FSIP1: variants seen among roughly 807,000 people sequenced by gnomAD.
FSIP1 encodes fibrous sheath-interacting protein 1.
Under a neutral mutation model 60.9 loss-of-function variants are expected in FSIP1, and 65 were observed. The ratio of observed to expected loss-of-function variants is 1.07; its 90% CI spans 0.87 to 1.31. The LOEUF (loss-of-function observed/expected upper bound fraction) is 1.31, where lower values mean the gene tolerates loss of function less well. Ranked by LOEUF, FSIP1 falls within the 40% of genes most tolerant of loss-of-function variation. FSIP1 has a pLI of 0.00. For missense variants in FSIP1, 675 were observed against 665.5 expected (o/e 1.01, Z -0.16); for synonymous variants, 209 against 221.2 (o/e 0.94, Z 0.49).
intron 10 of FSIP1, among the ~76,000 whole-genome samples, chr15:39,646,495 G>A (rs376077704): frequency 1.8e-5 from 2 of 112,824 alleles, no homozygotes; most frequent in East Asian, 2.9e-4. Flanking sequence ...ACAGGCCTGC[G>A]TAACATAGCG....
In FSIP1 at chr15:39,719,110, G is replaced by A. The variant is rs145300663; in HGVS notation, c.1051-5529C>T. 9.6e-4 allele frequency among the ~76,000 whole-genome samples: 146 copies of A among 152,292 alleles called. 1 individual carries two copies. Among genetic ancestry groups the A allele is most frequent in the African/African-American group, 3.5e-3 (144 of 41,550 alleles). ...AAAAATACTGTATGATGAAAGCAGA[G>A]GCCAAGAGGGGGCAAGAAAAGGTTG... is the stretch of plus-strand genomic sequence containing the variant. On this transcript the variant is annotated intron_variant, in intron 9 of 11. Transcript: ENST00000350221.
At chr15:39,775,493 G>GA (rs35283109) in intron 2 of FSIP1, among the ~76,000 whole-genome samples, 3 of 150,900 alleles carry the variant, frequency 2.0e-5, no homozygotes, top group Non-Finnish European at 4.4e-5. Flanking sequence ...ATATTTTAAG[G>GA]AAAAAAAAGG....
At chr15:39,749,034 C>G (rs1897082414) in intron 5 of FSIP1, among the ~76,000 whole-genome samples, 1 of 151,528 alleles carries the variant, frequency 6.6e-6, no homozygotes, top group Non-Finnish European at 1.5e-5. Context: ...AATTATGTGT[C>G]AAAAAATTTG....
chr15:39,671,831 T>C (rs1893732525), intron 10 of FSIP1, among the ~76,000 whole-genome samples: 1 of 152,222 alleles, frequency 6.6e-6, no homozygotes, highest in African/African-American at 2.4e-5. Context: ...CTCTCAAAGT[T>C]ACCATTCTCA....
rs757748685 is a variant in FSIP1 at position 39,672,119 on chromosome 15, T to C, written c.1188+41325A>G. On this transcript the variant is annotated intron_variant, in intron 10 of 11. Coordinates refer to ENST00000350221, the MANE Select transcript of FSIP1 (RefSeq NM_152597.5). ...GTCAAGGAGACTAGCGACTACCTCC[T>C]GATTTTGCCAATTACTAATTGTATG... is the stretch of plus-strand genomic sequence containing the variant. Among the ~76,000 whole-genome samples the C allele has an allele frequency of 7.0e-4, 106 of 152,326 alleles. 1 individual carries two copies. Among genetic ancestry groups the C allele is most frequent in the Non-Finnish European group, 9.4e-4 (64 of 68,026 alleles).
intron 5 of FSIP1, among the ~76,000 whole-genome samples, chr15:39,760,628 A>C (rs1897463760): frequency 6.6e-6 from 1 of 152,184 alleles, no homozygotes; most frequent in Non-Finnish European, 1.5e-5. Context: ...AAGGGTCAAC[A>C]TCACGACAGA....
intron 10 of FSIP1, among the ~76,000 whole-genome samples, chr15:39,646,809 C>T (rs887924452): frequency 2.6e-5 from 4 of 151,818 alleles, no homozygotes; most frequent in Admixed American, 2.6e-4. Context: ...AGTCAAGATA[C>T]TGAAACAACT....
At chr15:39,734,980 A>G (rs1388607040) in intron 8 of FSIP1, among the ~76,000 whole-genome samples, 1 of 152,226 alleles carries the variant, frequency 6.6e-6, no homozygotes, top group Non-Finnish European at 1.5e-5. Flanking sequence ...AAAAGGCAGT[A>G]TTATTAACAA....
intron 5 of FSIP1, among the ~76,000 whole-genome samples, chr15:39,762,537 A>G (rs1897536871): frequency 6.6e-6 from 1 of 152,212 alleles, no homozygotes; most frequent in Admixed American, 6.5e-5. Flanking sequence ...AGACATTACC[A>G]AAATCACTGT....
At chr15:39,610,714 G>A (rs1165066496) in intron 11 of FSIP1, among the ~76,000 whole-genome samples, 1 of 152,126 alleles carries the variant, frequency 6.6e-6, no homozygotes, top group Non-Finnish European at 1.5e-5. Flanking sequence ...AAAGAATCCT[G>A]AAAGCAGTAA....
chr15:39,664,072 G>A (rs1893403597), intron 10 of FSIP1, among the ~76,000 whole-genome samples: 1 of 151,634 alleles, frequency 6.6e-6, no homozygotes, highest in Non-Finnish European at 1.5e-5. Flanking sequence ...CAGGGTGGGT[G>A]GGGGAAGGGT....
chr15:39,683,526 C>A (rs1894246844), intron 10 of FSIP1, among the ~76,000 whole-genome samples: 1 of 152,030 alleles, frequency 6.6e-6, no homozygotes, highest in African/African-American at 2.4e-5. Context: ...GCAAAAATGT[C>A]CACTCCCACC....
At chr15:39,772,537 C>T (rs1225631390) in intron 2 of FSIP1, among the ~76,000 whole-genome samples, 2 of 151,476 alleles carry the variant, frequency 1.3e-5, no homozygotes, top group African/African-American at 2.4e-5. Flanking sequence ...TCAAGCAACC[C>T]ACCCTCCTTG....
chr15:39,716,906 C>T (rs149165730), intron 9 of FSIP1, among the ~76,000 whole-genome samples: 1,654 of 151,298 alleles, frequency 0.011, 20 homozygotes, highest in Non-Finnish European at 0.018. Context: ...CCTCTGCCTC[C>T]CGGGTTCAAG....
rs540051995 is a variant in FSIP1, at chr15:39,644,705, CA to C, written c.1189-26461del. Among the ~76,000 whole-genome samples the C allele has an allele frequency of 5.3e-5, 8 of 149,998 alleles. No homozygotes were observed. In the South Asian group the frequency reaches 1.5e-3, roughly 28 times the overall value. ...AAGCACTTTTCAGCACTATGATTTA[CA>C]GGCAAGTACTGAAAAAAAAAAACTT... On this transcript the variant is annotated intron_variant, in intron 10 of 11. Coordinates refer to ENST00000350221, the MANE Select transcript of FSIP1 (RefSeq NM_152597.5).
At chr15:39,630,325 G>C (rs991895815) in intron 10 of FSIP1, among the ~76,000 whole-genome samples, 1 of 152,186 alleles carries the variant, frequency 6.6e-6, no homozygotes, top group Non-Finnish European at 1.5e-5. Context: ...AAGCTGTGTA[G>C]TGAACTGAAT....
intron 2 of FSIP1, among the ~76,000 whole-genome samples, chr15:39,771,189 T>C (rs1345271449): frequency 6.6e-6 from 1 of 152,188 alleles, no homozygotes; most frequent in African/African-American, 2.4e-5. Flanking sequence ...GAAAAGGACC[T>C]CCATGGCCGG....
intron 9 of FSIP1, among the ~76,000 whole-genome samples, chr15:39,725,017 G>A (rs1031472010): frequency 6.6e-6 from 1 of 152,076 alleles, no homozygotes; most frequent in Non-Finnish European, 1.5e-5. Flanking sequence ...CGGATCACGA[G>A]GTCAGGAGAT....
chr15:39,745,322 T>C (rs1304517091), intron 5 of FSIP1, among the ~76,000 whole-genome samples: 2 of 152,122 alleles, frequency 1.3e-5, no homozygotes, highest in Non-Finnish European at 1.5e-5. Context: ...AAATGACATA[T>C]AAGGAAACCA....
Sources: gnomAD v4.1 joint callset for allele counts (sites outside exome capture counted in the v4.1 genomes callset) on GRCh38, gnomAD v4.1.1 for gene constraint, MANE v1.5 for transcripts, NCBI Gene and HGNC (gene_info 2026-07-23, HGNC 2026-07-21) for gene names.